Variants in NTRK3 observed in about 807,000 individuals in gnomAD.
The protein encoded by NTRK3 is NT-3 growth factor receptor.
In NTRK3, 24 loss-of-function variants were observed where a neutral mutation model predicts 91.7. The ratio of observed to expected loss-of-function variants is 0.26; its 90% confidence interval spans 0.19 to 0.37. The LOEUF (loss-of-function observed/expected upper bound fraction) is 0.37, where lower values mean the gene tolerates loss of function less well. Among genes scored for constraint, NTRK3 ranks in the 10% least tolerant of loss-of-function variants. The probability of loss-of-function intolerance (pLI) is 1.00; values close to 1 mark genes in which losing one functional copy is unlikely to be tolerated. For missense variants in NTRK3, 880 were observed against 1,068.9 expected (o/e 0.82, Z 2.46); for synonymous variants, 483 against 404.0 (o/e 1.20, Z -2.34).
chr15:87,896,743 C>T (rs2066148556), intron 17 of NTRK3, among the ~76,000 whole-genome samples: 1 of 152,102 alleles, frequency 6.6e-6, no homozygotes, highest in South Asian at 2.1e-4. Context: ...GGCCTCGCCC[C>T]AGTTATGGAA....
At chr15:87,896,245 C>T (rs560609786) in intron 17 of NTRK3, among the ~76,000 whole-genome samples, 22 of 152,046 alleles carry the variant, frequency 1.4e-4, no homozygotes, top group African/African-American at 4.3e-4. Flanking sequence ...GGCCGAGGCA[C>T]GCAAATCATG....
At chr15:88,247,008 G>C (rs2052898814) in intron 3 of NTRK3, among the ~76,000 whole-genome samples, 1 of 152,198 alleles carries the variant, frequency 6.6e-6, no homozygotes, top group African/African-American at 2.4e-5. Flanking sequence ...GTGGCCACCA[G>C]GAGTGTAGCC....
intron 14 of NTRK3, among the ~76,000 whole-genome samples, chr15:87,984,556 A>G (rs2074572798): frequency 6.6e-6 from 1 of 152,236 alleles, no homozygotes; most frequent in Non-Finnish European, 1.5e-5. Flanking sequence ...GCCACAGTCT[A>G]TGCTGCTTTA....
chr15:88,095,233 A>ATG, intron 13 of NTRK3, among the ~76,000 whole-genome samples: 1 of 152,354 alleles, frequency 6.6e-6, no homozygotes, highest in Non-Finnish European at 1.5e-5. Flanking sequence ...CTGGTTGGAA[A>ATG]GCCACATAAA....
At chr15:88,256,074 C>A (rs139291499) in exon 3 of NTRK3, 1 of 1,613,154 alleles carries the variant, frequency 6.2e-7, no homozygotes, top group South Asian at 1.1e-5. Flanking sequence ...CAGCACGGAG[C>A]CCACATAGTC....
Position 87,878,618 on chromosome 15 carries a change from G to A in NTRK3, c.2293-1498C>T, listed in dbSNP as rs147942674. On this transcript the variant is annotated intron_variant, in intron 18 of 18. Coordinates refer to ENST00000394480, the Ensembl canonical transcript of NTRK3. ...CCTGGGAGTGTCTCTTCTAATGTTG[G>A]ACTATCCAGGTTTGTTGATTTCCAT... 5.0e-3 allele frequency among the ~76,000 whole-genome samples: 761 copies of A among 152,290 alleles called. 5 individuals are homozygous for A. Among genetic ancestry groups the A allele is most frequent in the African/African-American group, 0.017 (699 of 41,556 alleles).
chr15:88,139,800 ATGCACTCT>A (rs1429724929), intron 6 of NTRK3, among the ~76,000 whole-genome samples: 1 of 151,908 alleles, frequency 6.6e-6, no homozygotes, highest in African/African-American at 2.4e-5. Context: ...TTCAAAACTC[ATGCACTCT>A]CCACCCCATC....
intron 13 of NTRK3, among the ~76,000 whole-genome samples, chr15:88,111,250 C>G (rs996015886): frequency 3.9e-5 from 6 of 152,280 alleles, no homozygotes; most frequent in South Asian, 4.1e-4. Flanking sequence ...TGGCTAGTCA[C>G]GACCTCAGGT....
At chr15:88,047,382 G>A (rs753514734) in intron 13 of NTRK3, among the ~76,000 whole-genome samples, 31 of 152,088 alleles carry the variant, frequency 2.0e-4, no homozygotes, top group Non-Finnish European at 3.4e-4. Context: ...GTGCGGTGAG[G>A]TAGATGGTGG....
chr15:87,923,235 AC>A (rs1192774346), intron 17 of NTRK3, among the ~76,000 whole-genome samples: 1 of 152,212 alleles, frequency 6.6e-6, no homozygotes, highest in Middle Eastern at 3.2e-3. Flanking sequence ...TATGTGGGAC[AC>A]AGCTATGTTC....
At chr15:87,911,686 T>G (rs1222884368) in intron 17 of NTRK3, among the ~76,000 whole-genome samples, 1 of 152,230 alleles carries the variant, frequency 6.6e-6, no homozygotes, top group African/African-American at 2.4e-5. Flanking sequence ...ATCTCTGTAC[T>G]GAAACCTGGC....
intron 5 of NTRK3, among the ~76,000 whole-genome samples, chr15:88,150,941 C>T (rs2043316687): frequency 6.6e-6 from 1 of 152,064 alleles, no homozygotes; most frequent in East Asian, 1.9e-4. Flanking sequence ...CTAGCTGGGG[C>T]CTCACCTATA....
At chr15:87,926,510 T>C (rs1567115214) in intron 17 of NTRK3, 1 of 152,320 alleles carries the variant, frequency 6.6e-6, no homozygotes, top group Admixed American at 6.5e-5. Flanking sequence ...TTACCTGTAG[T>C]GTGTACATTT....
At chr15:88,184,109 G>C in intron 4 of NTRK3, 116 bp downstream of exon 4, 1 of 1,004,206 alleles carries the variant, frequency 1.0e-6, no homozygotes. Context: ...AGAAGACCTG[G>C]GGGAGAAAGC....
intron 10 of NTRK3, among the ~76,000 whole-genome samples, chr15:88,132,896 C>A (rs1353024392): frequency 1.3e-5 from 2 of 152,140 alleles, no homozygotes; most frequent in Non-Finnish European, 2.9e-5. Flanking sequence ...GAAATGACCT[C>A]AGGTGAGGTG....
intron 3 of NTRK3, among the ~76,000 whole-genome samples, chr15:88,242,056 G>T (rs1051998746): frequency 6.6e-6 from 1 of 152,178 alleles, no homozygotes; most frequent in African/African-American, 2.4e-5. Context: ...ATAGAGAAAC[G>T]AATGAACGGT....
intron 10 of NTRK3, among the ~76,000 whole-genome samples, chr15:88,133,786 T>C (rs1002139913): frequency 2.0e-5 from 3 of 152,196 alleles, no homozygotes; most frequent in Admixed American, 6.5e-5. Context: ...CTGGGGATGA[T>C]GGAAGTTTCA....
chr15:88,082,553 T>A (rs1480493757), intron 13 of NTRK3, among the ~76,000 whole-genome samples: 1 of 152,184 alleles, frequency 6.6e-6, no homozygotes, highest in Non-Finnish European at 1.5e-5. Flanking sequence ...CTGACTTCCA[T>A]CCACATTGAT....
chr15:88,041,882 T>A (rs970962419), intron 13 of NTRK3, among the ~76,000 whole-genome samples: 5 of 150,772 alleles, frequency 3.3e-5, no homozygotes, highest in Non-Finnish European at 5.9e-5. Context: ...AATCCATTTT[T>A]AAAATGCCTC....
Sources: allele counts gnomAD v4.1 joint callset (sites outside exome capture counted in the v4.1 genomes callset), GRCh38; gene constraint gnomAD v4.1.1; transcripts MANE v1.5; gene names NCBI Gene and HGNC (gene_info 2026-07-23, HGNC 2026-07-21).